CRP: variants seen among roughly 807,000 people sequenced by gnomAD.
The protein encoded by CRP is C-reactive protein, also known as C-reactive protein, pentraxin-related.
CRP carries 6 observed loss-of-function variants against 3.0 expected under a neutral mutation model. The observed-to-expected ratio is 2.02, with a 90% CI of 1.11 to 3.99. The LOEUF (loss-of-function observed/expected upper bound fraction) is 3.99, where lower values mean the gene tolerates loss of function less well. Among genes scored for constraint, CRP ranks in the 30% most tolerant of loss-of-function variants. The probability of loss-of-function intolerance (pLI) is 0.00; values close to 1 mark genes in which losing one functional copy is unlikely to be tolerated. For synonymous variants in CRP, 130 were observed against 111.0 expected (o/e 1.17, Z -1.08); for missense variants, 297 against 271.0 (o/e 1.10, Z -0.67).
chr1:159,714,023 C>T lies in CRP; in HGVS notation c.177G>A (p.Thr59=), dbSNP rs751271674. Reference sequence around the variant, plus strand: ...TGTACCCACGGGTCGAGGACAGTTCCGTGTAGAAGTGGAGGCACACAGTGA... The same window carrying T: ...TGTACCCACGGGTCGAGGACAGTTCTGTGTAGAAGTGGAGGCACACAGTGA... The part of the protein sequence containing the change: ...KAFTVCLHFY[T]ELSSTRGYSI... The change falls in exon 2 of 2, where the codon ACG becomes ACA. Residue 59 remains threonine (T), a synonymous_variant. Coordinates refer to ENST00000255030, the MANE Select transcript of CRP (RefSeq NM_000567.3). 4.6e-5 allele frequency: 74 copies of T among 1,613,334 alleles called. No homozygotes were observed. The highest frequency in any genetic ancestry group is 5.9e-5 in the Non-Finnish European group (70 of 1,179,982).
At chr1:159,714,296 C>CA in intron 1 of CRP, 129 bp downstream of exon 1, 5 of 1,101,380 alleles carry the variant, frequency 4.5e-6, no homozygotes, top group South Asian at 1.6e-5. Flanking sequence ...CACACACACA[C>CA]CATGAAGGAT....
At position 159,713,688 on chromosome 1, in the gene CRP, A is replaced by C. The variant is rs1369987967; in HGVS notation, c.512T>G (p.Val171Gly). ...GGNFEGSQSL[V>G]GDIGNVNMWD... ...CATGTTCACATTTCCAATGTCTCCC[A>C]CCAGGGACTGGCTTCCTTCAAAGTT... The change falls in exon 2 of 2, where the codon GTG becomes GGG. Residue 171 changes from valine (V) to glycine (G), a missense_variant. Transcript: ENST00000255030. 4 of 1,614,060 alleles carry C rather than the reference A, an allele frequency of 2.5e-6. No individual in the cohort carries two copies. The Admixed American group carries it at 6.7e-5, about 27-fold the overall frequency.
In CRP at chr1:159,713,458, A is replaced by G; in HGVS notation, c.*67T>C. The G allele has an allele frequency of 6.5e-7, 1 of 1,531,686 alleles. No individual in the cohort carries two copies. Among genetic ancestry groups the G allele is most frequent in the Non-Finnish European group, 8.7e-7 (1 of 1,145,908 alleles). The allele number at this position is 1,531,686 out of a possible 1,614,324, so 94.9% of individuals were successfully genotyped here. On this transcript the variant is annotated 3_prime_UTR_variant, in exon 2 of 2. Coordinates refer to ENST00000255030, the MANE Select transcript of CRP (RefSeq NM_000567.3). ...AGTGTAAAAAAGCGGGAGGTACCAG[A>G]GACAGAGACGTGGGGCCCATGCGGT...
At chr1:159,714,372 C>T in intron 1 of CRP, 53 bp downstream of exon 1, 1 of 1,530,452 alleles carries the variant, frequency 6.5e-7, no homozygotes, top group Non-Finnish European at 9.0e-7. Context: ...AGTCTTAGAC[C>T]CCACCCCCAT....
rs1303730187 is a variant in CRP at position 159,714,059 on chromosome 1, A to G, written c.141T>C (p.Pro47=). 8.1e-6 allele frequency: 13 copies of G among 1,613,480 alleles called. No homozygotes were observed. The highest frequency in any genetic ancestry group is 1.0e-5 in the Non-Finnish European group (12 of 1,180,008). ...GGAGGCACACAGTGAAGGCTTTGAG[A>G]GGCTTCGTTAACGGTGCTTTGAGGG... The part of the protein sequence containing the change: ...YVSLKAPLTK[P]LKAFTVCLHF... Residue 47 remains proline (P), a synonymous_variant, in exon 2 of 2, where the codon CCT becomes CCC. Coordinates refer to ENST00000255030, the MANE Select transcript of CRP (RefSeq NM_000567.3).
rs908247294 is a variant in CRP, at chr1:159,713,626, T to C, written c.574A>G (p.Ile192Val). 6 of 1,614,202 alleles carry C rather than the reference T, an allele frequency of 3.7e-6. No homozygotes were observed. The highest frequency in any genetic ancestry group is 5.1e-6 in the Non-Finnish European group (6 of 1,180,036). The change falls in exon 2 of 2, where the codon ATC (isoleucine) becomes GTC (valine). Residue 192 changes from isoleucine to valine, a missense_variant. By Grantham distance (29) the Ile-to-Val change is conservative. Coordinates refer to ENST00000255030, the MANE Select transcript of CRP (RefSeq NM_000567.3). ...FVLSPDEINT[I>V]YLGGPFSPNV... ...GGACTGAAGGGCCCGCCAAGATAGA[T>C]GGTGTTAATCTCATCTGGTGACAGC... is the stretch of plus-strand genomic sequence containing the variant.
Position 159,713,970 on chromosome 1 carries a change from T to C in CRP, c.230A>G (p.Gln77Arg). ...YSIFSYATKR[Q>R]DNEILIFWSK... The stretch of plus-strand genomic sequence containing the variant: ...CCAAAATATGAGAATCTCATTGTCT[T>C]GTCTCTTGGTGGCATACGAGAAAAT... Residue 77 changes from glutamine (Q) to arginine (R), a missense_variant, in exon 2 of 2, where the codon CAA (glutamine) becomes CGA (arginine). Physicochemically the swap from Gln to Arg is conservative, Grantham distance 43. Coordinates refer to ENST00000255030, the MANE Select transcript of CRP (RefSeq NM_000567.3). 2 of 1,613,766 alleles carry C rather than the reference T, an allele frequency of 1.2e-6. No homozygotes were observed. The highest frequency in any genetic ancestry group is 1.7e-6 in the Non-Finnish European group (2 of 1,180,014).
chr1:159,714,431 G>C lies in CRP; in HGVS notation c.55C>G (p.Gln19Glu), dbSNP rs375033806. 17 of 1,612,724 alleles carry C rather than the reference G, an allele frequency of 1.1e-5. No individual in the cohort carries two copies. Among genetic ancestry groups the C allele is most frequent in the Non-Finnish European group, 1.4e-5 (17 of 1,179,838 alleles). ...VLTSLSHAFG[Q>E]TDMSRKAFVF... is the part of the protein sequence containing the mutation. ...AGCCTGGGGTGGCCCTTACCTGTCT[G>C]GCCAAAAGCATGAGAGAGGCTGGTC... The change falls in exon 1 of 2, where the codon CAG becomes GAG. Residue 19 changes from glutamine to glutamate, a missense_variant. Gln to Glu is a conservative substitution (Grantham distance 29). Coordinates refer to ENST00000255030, the MANE Select transcript of CRP (RefSeq NM_000567.3).
In CRP at chr1:159,714,139, C is replaced by G. The variant is rs769624182; in HGVS notation, c.62-1G>C. Reference sequence around the variant, plus strand: ...AACACAAAAGCCTTCCTCGACATGTCTGTGAGCCAGAAAAACAAGCAAATG... The same window carrying G: ...AACACAAAAGCCTTCCTCGACATGTGTGTGAGCCAGAAAAACAAGCAAATG... On this transcript the variant is annotated splice_acceptor_variant, in intron 1 of 1. Coordinates refer to ENST00000255030, the MANE Select transcript of CRP (RefSeq NM_000567.3). LOFTEE classifies it high-confidence loss of function. The G allele has an allele frequency of 6.2e-7, 1 of 1,603,952 alleles. No homozygotes were observed. Among genetic ancestry groups the G allele is most frequent in the East Asian group, 2.2e-5 (1 of 44,812 alleles).
Position 159,713,515 on chromosome 1 carries a change from C to T in CRP, c.*10G>A. 6.2e-7 allele frequency: 1 copy of T among 1,603,416 alleles called. No individual in the cohort carries two copies. The highest frequency in any genetic ancestry group is 8.5e-7 in the Non-Finnish European group (1 of 1,174,706). ...AACCGGGAGGTACCTTCAGGACCCA[C>T]AGCTGGGCCTCAGGGCCACAGCTGG... On this transcript the variant is annotated 3_prime_UTR_variant, in exon 2 of 2. Coordinates refer to ENST00000255030, the MANE Select transcript of CRP (RefSeq NM_000567.3).
intron 1 of CRP, 119 bp from the exon 2 acceptor site, chr1:159,714,257 C>CCACA (rs59936680): frequency 0.012 from 8,558 of 722,106 alleles, 26 homozygotes; most frequent in African/African-American, 0.029. Flanking sequence ...CAGTTACACA[C>CCACA]CACACACACA....
rs3093065 is a variant in CRP, at chr1:159,713,423, G to A, written c.*102C>T. The stretch of plus-strand genomic sequence containing the variant: ...ACAAAGGCCCAGAGACAGAGACGTG[G>A]GAACCATGCAGTGTAAAAAAGCGGG... On this transcript the variant is annotated 3_prime_UTR_variant, in exon 2 of 2. Transcript: ENST00000255030. 545 of 1,453,264 alleles carry A rather than the reference G, an allele frequency of 3.8e-4. No homozygotes were observed. In the African/African-American group the frequency reaches 7.2e-3, roughly 19 times the overall value. The allele number at this position is 1,453,264 out of a possible 1,614,324, so 90.0% of individuals were successfully genotyped here.
intron 1 of CRP, 119 bp from the exon 2 acceptor site, chr1:159,714,257 CCACACACACACA>C (rs59936680): frequency 0.013 from 9,094 of 715,124 alleles, 33 homozygotes; most frequent in Non-Finnish European, 0.015. Context: ...CAGTTACACA[CCACACACACACA>C]CACACACACA....
In CRP at chr1:159,712,464, A is replaced by T. The variant is rs1660694597; in HGVS notation, c.*1061T>A. 1 of 152,810 alleles carries T rather than the reference A, an allele frequency of 6.5e-6. No individual in the cohort carries two copies. Among genetic ancestry groups the T allele is most frequent in the Non-Finnish European group, 1.5e-5 (1 of 68,448 alleles). 9.5% of individuals were successfully genotyped at this position (152,810 alleles called of 1,614,324 possible). ...CTCACAGTCTCTCTCCATGTGGCAA[A>T]CAAGATGGCTACTGGTGGTCCCAGG... On this transcript the variant is annotated 3_prime_UTR_variant, in exon 2 of 2. Transcript: ENST00000255030.
Position 159,713,538 on chromosome 1 carries a change from T to A in CRP, c.662A>T (p.Gln221Leu). The A allele has an allele frequency of 1.2e-6, 2 of 1,610,468 alleles. No homozygotes were observed. Among genetic ancestry groups the A allele is most frequent in the Non-Finnish European group, 1.7e-6 (2 of 1,178,046 alleles). ...CACAGCTGGGCCTCAGGGCCACAGC[T>A]GGGGTTTGGTGAACACTTCGCCTTG... ...EVQGEVFTKP[Q>L]LWP The change falls in exon 2 of 2, where the codon CAG (glutamine) becomes CTG (leucine). Residue 221 changes from glutamine to leucine, a missense_variant. Physicochemically the swap from Gln to Leu is moderately radical, Grantham distance 113. Transcript: ENST00000255030.
rs1660700341 is a variant in CRP at position 159,712,624 on chromosome 1, G to A, written c.*901C>T. On this transcript the variant is annotated 3_prime_UTR_variant, in exon 2 of 2. Transcript: ENST00000255030. ...TATCCAACTATCCTCCAGATAGGGA[G>A]CTGGGGAGATGGGAGATGGGCTCCT... 6.6e-6 allele frequency: 1 copy of A among 152,368 alleles called. No homozygotes were observed. The highest frequency in any genetic ancestry group is 2.1e-4 in the South Asian group (1 of 4,834). The allele number at this position is 152,368 out of a possible 1,614,324, so 9.4% of individuals were successfully genotyped here.
chr1:159,713,853 G>T lies in CRP; in HGVS notation c.347C>A (p.Thr116Lys), dbSNP rs1389981885. 1 of 1,614,004 alleles carries T rather than the reference G, an allele frequency of 6.2e-7. No individual in the cohort carries two copies. Among genetic ancestry groups the T allele is most frequent in the Admixed American group, 1.7e-5 (1 of 60,000 alleles). Reference protein sequence around the residue: ...EVTVAPVHICTSWESASGIVE... With the variant: ...EVTVAPVHICKSWESASGIVE... The stretch of plus-strand genomic sequence containing the variant: ...GATCCCTGAGGCGGACTCCCAGCTT[G>T]TACAAATGTGTACTGGAGCTACTGT... Residue 116 changes from threonine (T) to lysine (K), a missense_variant, in exon 2 of 2, where the codon ACA becomes AAA. Transcript: ENST00000255030.
chr1:159,713,884 C>G lies in CRP; in HGVS notation c.316G>C (p.Glu106Gln), dbSNP rs530762480. The change falls in exon 2 of 2, where the codon GAA becomes CAA. Residue 106 changes from glutamate (E) to glutamine (Q), a missense_variant. Coordinates refer to ENST00000255030, the MANE Select transcript of CRP (RefSeq NM_000567.3). ...GGSEILFEVPEVTVAPVHICT... is the reference protein window; with the variant it reads ...GGSEILFEVPQVTVAPVHICT... ...ATGTGTACTGGAGCTACTGTGACTTCAGGAACCTCGAATAATATTTCAGAC... is the reference window on the plus strand; with the variant it reads ...ATGTGTACTGGAGCTACTGTGACTTGAGGAACCTCGAATAATATTTCAGAC... 6.2e-7 allele frequency: 1 copy of G among 1,614,156 alleles called. No homozygotes were observed. The highest frequency in any genetic ancestry group is 8.5e-7 in the Non-Finnish European group (1 of 1,180,034).
Position 159,713,841 on chromosome 1 carries a change from G to C in CRP, c.359C>G (p.Ser120Cys). ...APVHICTSWESASGIVEFWVD... is the reference protein window; with the variant it reads ...APVHICTSWECASGIVEFWVD... Reference sequence around the variant, plus strand: ...CCAGAACTCCACGATCCCTGAGGCGGACTCCCAGCTTGTACAAATGTGTAC... The same window carrying C: ...CCAGAACTCCACGATCCCTGAGGCGCACTCCCAGCTTGTACAAATGTGTAC... Residue 120 changes from serine (S) to cysteine (C), a missense_variant, in exon 2 of 2, where the codon TCC becomes TGC. By Grantham distance (112) the Ser-to-Cys change is moderately radical. Transcript: ENST00000255030. 1 of 1,614,110 alleles carries C rather than the reference G, an allele frequency of 6.2e-7. No individual in the cohort carries two copies. Among genetic ancestry groups the C allele is most frequent in the Non-Finnish European group, 8.5e-7 (1 of 1,180,034 alleles).
Sources: gnomAD v4.1 joint callset for allele counts on GRCh38, gnomAD v4.1.1 for gene constraint, MANE v1.5 for transcripts, NCBI Gene and HGNC (gene_info 2026-07-23, HGNC 2026-07-21) for gene names.